The following LYPLAL1 variants were observed in gnomAD, a reference collection of about 807,000 sequenced individuals.
The protein encoded by LYPLAL1 is lysophospholipase like 1.
LYPLAL1 carries 23 observed loss-of-function variants against 19.7 expected under a neutral mutation model. The observed-to-expected ratio is 1.17, with a 90% CI of 0.84 to 1.65. The LOEUF (loss-of-function observed/expected upper bound fraction) is 1.65, where lower values mean the gene tolerates loss of function less well. Ranked by LOEUF, LYPLAL1 falls within the 40% of genes most tolerant of loss-of-function variation. The probability of loss-of-function intolerance (pLI) is 0.00; values close to 1 mark genes in which losing one functional copy is unlikely to be tolerated. For missense variants in LYPLAL1, 355 were observed against 279.4 expected (o/e 1.27, Z -1.93); for synonymous variants, 119 against 96.3 (o/e 1.24, Z -1.38).
the LYPLAL1 span, among the ~76,000 whole-genome samples, chr1:219,375,421 G>A: frequency 1.4e-5 from 2 of 145,562 alleles, no homozygotes; most frequent in African/African-American, 2.6e-5. Flanking sequence ...AGCCAGGATC[G>A]CAGCACTGCA....
At chr1:219,179,299 T>A in intron 2 of LYPLAL1, 53 bp downstream of exon 2, 4 of 1,271,268 alleles carry the variant, frequency 3.1e-6, no homozygotes, top group Non-Finnish European at 4.5e-6. Flanking sequence ...ATAAAATATA[T>A]ATAGAGAGAT....
At position 219,193,309 on chromosome 1, in the gene LYPLAL1, T is replaced by G. The variant is rs1657350467; in HGVS notation, c.361+58T>G. ...GTTCACTTTTGTCTAATTCTATACA[T>G]CAAATCTTACTTGGAACATTATTTA... On this transcript the variant is annotated intron_variant, in intron 3 of 4. Coordinates refer to ENST00000366928, the MANE Select transcript of LYPLAL1 (RefSeq NM_138794.5). 5 of 1,371,702 alleles carry G rather than the reference T, an allele frequency of 3.6e-6. No individual in the cohort carries two copies. The African/African-American group carries it at 5.8e-5, about 16-fold the overall frequency. The allele number at this position is 1,371,702 out of a possible 1,614,324, so 85.0% of individuals were successfully genotyped here. A position where few individuals can be genotyped will look rare whatever the true frequency, so the allele number is the denominator to read the frequency against.
the LYPLAL1 span, among the ~76,000 whole-genome samples, chr1:219,442,844 G>T: frequency 6.6e-6 from 1 of 152,234 alleles, no homozygotes; most frequent in Non-Finnish European, 1.5e-5. Context: ...AGAAAGTTTT[G>T]TGATTAATGG....
the LYPLAL1 span, chr1:219,271,245 A>G: frequency 2.6e-5 from 4 of 152,296 alleles, no homozygotes; most frequent in African/African-American, 7.2e-5. Flanking sequence ...CGCCCGGCCT[A>G]TTGGGCACTG....
the LYPLAL1 span, among the ~76,000 whole-genome samples, chr1:219,306,761 G>GATAGATAC: frequency 6.6e-6 from 1 of 150,382 alleles, no homozygotes; most frequent in Non-Finnish European, 1.5e-5. Context: ...TAGATAGATA[G>GATAGATAC]ATAGATAGAT....
At chr1:219,410,842 A>G in the LYPLAL1 span, among the ~76,000 whole-genome samples, 1 of 152,210 alleles carries the variant, frequency 6.6e-6, no homozygotes, top group African/African-American at 2.4e-5. Flanking sequence ...GTGCTGGCCC[A>G]CCGGCGCTGC....
the LYPLAL1 span, among the ~76,000 whole-genome samples, chr1:219,406,606 A>G: frequency 6.6e-6 from 1 of 152,236 alleles, no homozygotes; most frequent in Admixed American, 6.5e-5. Flanking sequence ...TAGATTCACA[A>G]GATGTGAAGA....
the LYPLAL1 span, among the ~76,000 whole-genome samples, chr1:219,319,904 G>A: frequency 6.6e-6 from 1 of 152,186 alleles, no homozygotes; most frequent in Non-Finnish European, 1.5e-5. Flanking sequence ...ATCCATCTCT[G>A]TGTGGGGTTA....
At chr1:219,337,683 A>G in the LYPLAL1 span, among the ~76,000 whole-genome samples, 1 of 152,038 alleles carries the variant, frequency 6.6e-6, no homozygotes, top group Non-Finnish European at 1.5e-5. Context: ...TCAGTAAACC[A>G]TAGCACACAA....
chr1:219,334,894 A>C, the LYPLAL1 span, among the ~76,000 whole-genome samples: 2 of 151,960 alleles, frequency 1.3e-5, no homozygotes, highest in African/African-American at 2.4e-5. Flanking sequence ...AGGCACAGAA[A>C]ACCTAATAAA....
the LYPLAL1 span, among the ~76,000 whole-genome samples, chr1:219,392,286 T>C: frequency 6.6e-6 from 1 of 152,212 alleles, no homozygotes; most frequent in Non-Finnish European, 1.5e-5. Context: ...AATGAGTCAC[T>C]GGCAAGAGCT....
the LYPLAL1 span, among the ~76,000 whole-genome samples, chr1:219,279,324 A>G: frequency 6.6e-6 from 1 of 152,200 alleles, no homozygotes; most frequent in Non-Finnish European, 1.5e-5. Flanking sequence ...TTCTGAAAAA[A>G]GAAAGAAATG....
the LYPLAL1 span, among the ~76,000 whole-genome samples, chr1:219,295,939 C>A: frequency 6.6e-6 from 1 of 152,166 alleles, no homozygotes; most frequent in Non-Finnish European, 1.5e-5. Flanking sequence ...CCACATTGAC[C>A]TACTCATTTC....
At chr1:219,199,846 C>T (rs1657943875) in intron 3 of LYPLAL1, 2 of 200,874 alleles carry the variant, frequency 1.0e-5, no homozygotes, top group Non-Finnish European at 2.1e-5. Context: ...AATATTATTG[C>T]CTTCAAGTGT....
the LYPLAL1 span, among the ~76,000 whole-genome samples, chr1:219,421,109 T>C: frequency 6.6e-6 from 1 of 152,190 alleles, no homozygotes; most frequent in African/African-American, 2.4e-5. Context: ...AAACCAGAAA[T>C]GCCTCCCAGT....
chr1:219,215,012 A>T (rs1354306372), downstream of LYPLAL1, among the ~76,000 whole-genome samples: 1 of 152,094 alleles, frequency 6.6e-6, no homozygotes, highest in Non-Finnish European at 1.5e-5. Context: ...CTTTAAAATG[A>T]ATTATATAAT....
At chr1:219,318,855 T>A in the LYPLAL1 span, among the ~76,000 whole-genome samples, 1 of 152,008 alleles carries the variant, frequency 6.6e-6, no homozygotes, top group Non-Finnish European at 1.5e-5. Context: ...TATTCCAGAG[T>A]GCAGAGTTGG....
At chr1:219,422,592 C>T in the LYPLAL1 span, among the ~76,000 whole-genome samples, 1 of 151,924 alleles carries the variant, frequency 6.6e-6, no homozygotes, top group Non-Finnish European at 1.5e-5. Context: ...ATAGCTTGAG[C>T]CCAACCATTA....
chr1:219,424,439 G>T, the LYPLAL1 span, among the ~76,000 whole-genome samples: 1 of 152,278 alleles, frequency 6.6e-6, no homozygotes, highest in Non-Finnish European at 1.5e-5. Flanking sequence ...CATCACATTA[G>T]CTATGTAGCT....
Sources: allele counts gnomAD v4.1 joint callset (sites outside exome capture counted in the v4.1 genomes callset), GRCh38; gene constraint gnomAD v4.1.1; transcripts MANE v1.5; gene names NCBI Gene and HGNC (gene_info 2026-07-23, HGNC 2026-07-21).